Variants in MAP4K4 observed in about 807,000 individuals in gnomAD.
MAP4K4 encodes HPK/GCK-like kinase HGK.
In MAP4K4, 38 loss-of-function variants were observed where a neutral mutation model predicts 189.6. That is an observed-to-expected ratio of 0.20 (90% CI 0.15 to 0.26). The LOEUF (loss-of-function observed/expected upper bound fraction) is 0.26. Among genes scored for constraint, MAP4K4 ranks in the 10% least tolerant of loss-of-function variants. The pLI, the probability that MAP4K4 is intolerant of heterozygous loss-of-function variation, is 1.00. For synonymous variants in MAP4K4, 610 were observed against 624.3 expected, an observed-to-expected ratio of 0.98 and a Z score of 0.34; for missense variants, 1,054 against 1,726.9, an observed-to-expected ratio of 0.61 and a Z score of 6.91.
chr2:101,835,793 C>A (rs1284979727), intron 8 of MAP4K4, 107 bp from the exon 9 acceptor site: 10 of 708,814 alleles, frequency 1.4e-5, no homozygotes, highest in Non-Finnish European at 2.0e-5. Context: ...TGAAGCCTGT[C>A]AGTCAGACGA....
intron 2 of MAP4K4, among the ~76,000 whole-genome samples, chr2:101,790,268 A>G (rs879143176): frequency 2.0e-4 from 30 of 152,048 alleles, no homozygotes; most frequent in African/African-American, 7.0e-4. Context: ...TTTTTTGGGG[A>G]TCATTTTTTT....
At chr2:101,854,832 T>C (rs550627796) in intron 12 of MAP4K4, among the ~76,000 whole-genome samples, 60 of 152,318 alleles carry the variant, frequency 3.9e-4, no homozygotes, top group African/African-American at 1.4e-3. Context: ...CTGGGAAATT[T>C]GATGGCTGTG....
intron 2 of MAP4K4, among the ~76,000 whole-genome samples, chr2:101,720,936 AT>A (rs144884589): frequency 0.067 from 10,262 of 152,106 alleles, 433 homozygotes; most frequent in African/African-American, 0.12. Context: ...TTAATACTTC[AT>A]TTTTCCTATG....
chr2:101,833,811 T>A (rs2096659921), intron 7 of MAP4K4, among the ~76,000 whole-genome samples: 1 of 152,130 alleles, frequency 6.6e-6, no homozygotes, highest in African/African-American at 2.4e-5. Context: ...GAAAAAAGAT[T>A]CCATGTACAG....
chr2:101,855,523 G>A (rs10210483), intron 12 of MAP4K4, among the ~76,000 whole-genome samples: 5,152 of 152,178 alleles, frequency 0.034, 293 homozygotes, highest in African/African-American at 0.11. Context: ...TCTTGTTGAC[G>A]TCAGTTCCTC....
intron 2 of MAP4K4, among the ~76,000 whole-genome samples, chr2:101,710,564 G>A (rs1036350446): frequency 6.6e-6 from 1 of 152,238 alleles, no homozygotes; most frequent in African/African-American, 2.4e-5. Flanking sequence ...AAGAAAGGCA[G>A]TCAGCTTATG....
rs989996367 is a variant in MAP4K4, at chr2:101,868,141, T to A, written c.2463+104T>A. 456 of 1,264,426 alleles carry A rather than the reference T, an allele frequency of 3.6e-4. 2 individuals carry two copies. Among genetic ancestry groups the A allele is most frequent in the Admixed American group, 4.5e-4 (22 of 48,908 alleles). 78.3% of individuals were successfully genotyped at this position (1,264,426 alleles called of 1,614,324 possible). On this transcript the variant is annotated intron_variant, in intron 21 of 32. Coordinates refer to ENST00000324219, the Ensembl canonical transcript of MAP4K4. ...GTCCTGCTCCTTCCTCAACTTGACT[T>A]CTTGTTCTTTTCTAGAATTTAAAAA...
intron 12 of MAP4K4, among the ~76,000 whole-genome samples, chr2:101,852,537 GAAAA>G (rs1477383246): frequency 2.6e-5 from 4 of 151,984 alleles, no homozygotes; most frequent in Non-Finnish European, 5.9e-5. Context: ...AATTAAAAAA[GAAAA>G]ACCCTCTCAG....
chr2:101,817,863 C>G (rs1221283939), intron 3 of MAP4K4, among the ~76,000 whole-genome samples: 2 of 151,916 alleles, frequency 1.3e-5, no homozygotes, highest in African/African-American at 4.8e-5. Flanking sequence ...ATTTTTCCGT[C>G]AGTTTTTATT....
chr2:101,752,339 G>A (rs891995293), intron 2 of MAP4K4, among the ~76,000 whole-genome samples: 4 of 152,154 alleles, frequency 2.6e-5, no homozygotes. Flanking sequence ...TATTCACAGT[G>A]CACCAGCTTG....
chr2:101,832,892 T>G (rs993122594), intron 7 of MAP4K4, among the ~76,000 whole-genome samples: 21 of 152,154 alleles, frequency 1.4e-4, no homozygotes, highest in African/African-American at 2.4e-5. Context: ...CATTACTTCT[T>G]TATGTCATTT....
At chr2:101,888,038 G>A in intron 31 of MAP4K4, 101 bp downstream of exon 31, 1 of 1,074,228 alleles carries the variant, frequency 9.3e-7, no homozygotes, top group Non-Finnish European at 1.3e-6. Flanking sequence ...CAGACCTTTT[G>A]ACTACCATTG....
At chr2:101,876,067 A>G (rs1010818733) in intron 26 of MAP4K4, among the ~76,000 whole-genome samples, 1 of 152,222 alleles carries the variant, frequency 6.6e-6, no homozygotes, top group African/African-American at 2.4e-5. Flanking sequence ...GGAGGGACAG[A>G]GAAGGGGTTT....
At chr2:101,873,474 G>GGCAC in intron 24 of MAP4K4, among the ~76,000 whole-genome samples, 173 bp from the exon 25 acceptor site, 2 of 152,162 alleles carry the variant, frequency 1.3e-5, no homozygotes, top group Non-Finnish European at 1.5e-5. Context: ...TGCCCTGAGG[G>GGCAC]GTGCTATGCC....
intron 27 of MAP4K4, among the ~76,000 whole-genome samples, chr2:101,880,871 C>G (rs1435323923): frequency 6.6e-6 from 1 of 152,134 alleles, no homozygotes; most frequent in African/African-American, 2.4e-5. Flanking sequence ...GTGCTAATAA[C>G]CACACTGTTT....
At chr2:101,869,669 G>A (rs1323989599) in exon 22 of MAP4K4, 3 of 1,609,280 alleles carry the variant, frequency 1.9e-6, no homozygotes, top group South Asian at 1.1e-5. Flanking sequence ...AAGATGTACG[G>A]CCACCTCACA....
At chr2:101,789,053 A>G (rs1185517293) in intron 2 of MAP4K4, among the ~76,000 whole-genome samples, 1 of 152,156 alleles carries the variant, frequency 6.6e-6, no homozygotes, top group Non-Finnish European at 1.5e-5. Context: ...CCTCTTGAAA[A>G]GAAGGAAAGC....
intron 3 of MAP4K4, among the ~76,000 whole-genome samples, chr2:101,801,636 G>C (rs1452319665): frequency 1.3e-5 from 2 of 152,130 alleles, no homozygotes; most frequent in African/African-American, 2.4e-5. Context: ...TGGGAGCGGT[G>C]GAAACCCTAC....
chr2:101,830,917 C>T (rs114079734), intron 6 of MAP4K4, among the ~76,000 whole-genome samples: 3,326 of 152,292 alleles, frequency 0.022, 99 homozygotes, highest in African/African-American at 0.074. Flanking sequence ...ACACCCTGGA[C>T]GAGCCATTTT....
Sources: allele counts gnomAD v4.1 joint callset (sites outside exome capture counted in the v4.1 genomes callset), GRCh38; gene constraint gnomAD v4.1.1; transcripts MANE v1.5; gene names NCBI Gene and HGNC (gene_info 2026-07-23, HGNC 2026-07-21).